The following SLC66A2 variants were observed in gnomAD, a reference collection of about 807,000 sequenced individuals.
SLC66A2 encodes the protein solute carrier family 66 member 2, also known as PQ loop repeat containing 1.
A neutral mutation model predicts 25.5 loss-of-function variants in SLC66A2; 23 were observed. The observed-to-expected ratio is 0.90, with a 90% CI of 0.65 to 1.28. The LOEUF is 1.28. Ranked by LOEUF, SLC66A2 falls within the 50% of genes most tolerant of loss-of-function variation. The pLI, the probability that SLC66A2 is intolerant of heterozygous loss-of-function variation, is 0.00. For missense variants in SLC66A2, 396 were observed against 373.1 expected (o/e 1.06, Z -0.51); for synonymous variants, 193 against 166.5 (o/e 1.16, Z -1.23).
At chr18:79,951,429 G>A (rs1382870098) in intron 1 of SLC66A2, among the ~76,000 whole-genome samples, 152 bp downstream of exon 1, 1 of 151,636 alleles carries the variant, frequency 6.6e-6, no homozygotes, top group Non-Finnish European at 1.5e-5. Flanking sequence ...GCCCAGGATG[G>A]GGGCGCACGG....
At position 79,923,034 on chromosome 18, in the gene SLC66A2, C is replaced by T. The variant is rs1473978660; in HGVS notation, c.392-3634G>A. Among the ~76,000 whole-genome samples, 9 of 151,480 alleles carry T rather than the reference C, an allele frequency of 5.9e-5. No individual in the cohort carries two copies. In the South Asian group the frequency reaches 6.3e-4, roughly 11 times the overall value. ...CCACCCTCTCTCACTCTGAGTGAGA[C>T]GCTGCTCGGCATCCGAGCTGGAAAG... On this transcript the variant is annotated intron_variant, in intron 4 of 5. Coordinates refer to ENST00000397778, the MANE Select transcript of SLC66A2 (RefSeq NM_025078.5).
chr18:79,924,647 T>C (rs1985709854), intron 4 of SLC66A2, among the ~76,000 whole-genome samples: 1 of 152,204 alleles, frequency 6.6e-6, no homozygotes, highest in South Asian at 2.1e-4. Context: ...TTTGAATGCA[T>C]AACGAAATAG....
chr18:79,943,900 T>A, intron 2 of SLC66A2: 1 of 175,546 alleles, frequency 5.7e-6, no homozygotes, highest in East Asian at 1.9e-4. Context: ...CACCCAGTCC[T>A]GAACCTGCAG....
chr18:79,908,069 G>A (rs1452364418), intron 5 of SLC66A2, among the ~76,000 whole-genome samples: 1 of 151,910 alleles, frequency 6.6e-6, no homozygotes, highest in Non-Finnish European at 1.5e-5. Context: ...AACCCCACCA[G>A]ACAATGTTAT....
intron 1 of SLC66A2, among the ~76,000 whole-genome samples, 152 bp from the exon 2 acceptor site, chr18:79,951,177 G>T (rs938625546): frequency 1.1e-4 from 17 of 151,794 alleles, no homozygotes; most frequent in South Asian, 1.0e-3. Context: ...GCCTGGGACG[G>T]GGGGGTGTCT....
chr18:79,919,345 G>A lies in SLC66A2; in HGVS notation c.447C>T (p.Cys149=), dbSNP rs373259554. 72 of 1,613,168 alleles carry A rather than the reference G, an allele frequency of 4.5e-5. No individual in the cohort carries two copies. The highest frequency in any genetic ancestry group is 1.1e-4 in the South Asian group (10 of 91,088). The part of the protein sequence containing the change: ...QWSSFSDYVQ[C]VLAFTGVAGY... The stretch of plus-strand genomic sequence containing the variant: ...CCGCCACGCCCGTGAAGGCCAGGAC[G>A]CACTGCACGTAGTCCGAGAAGCTGC... The change falls in exon 5 of 6, where the codon TGC becomes TGT. Residue 149 remains cysteine, a synonymous_variant. Transcript: ENST00000397778.
chr18:79,938,501 GGGAAAACATCTCAGT>G (rs1987335605), intron 3 of SLC66A2, among the ~76,000 whole-genome samples: 1 of 152,136 alleles, frequency 6.6e-6, no homozygotes, highest in Non-Finnish European at 1.5e-5. Flanking sequence ...AAAAGGGCTT[GGGAAAACATCTCAGT>G]GGAATGAGGG....
At chr18:79,916,146 CCGCGGCGCTCTCGTACCCG>C (rs1166107721) in intron 5 of SLC66A2, among the ~76,000 whole-genome samples, 15 of 65,282 alleles carry the variant, frequency 2.3e-4, no homozygotes, top group Non-Finnish European at 5.4e-4. Flanking sequence ...GCTCCCGTAC[CCGCGGCGCTCTCGTACCCG>C]CAGTGCTCCC....
At chr18:79,951,537 T>TAGGCCGCCCC (rs2051128256) in intron 1 of SLC66A2, 44 bp downstream of exon 1, 1 of 152,080 alleles carries the variant, frequency 6.6e-6, no homozygotes, top group Non-Finnish European at 1.5e-5. Context: ...TCGGCCGCCC[T>TAGGCCGCCCC]AGGCCGCCCC....
chr18:79,910,889 G>A (rs1315556762), intron 5 of SLC66A2, among the ~76,000 whole-genome samples: 2 of 152,260 alleles, frequency 1.3e-5, no homozygotes, highest in Non-Finnish European at 2.9e-5. Context: ...CAGTGAAACA[G>A]TCAAAGCAAG....
In SLC66A2 at chr18:79,916,102, CCG is replaced by C. The variant is rs1442420346; in HGVS notation, c.608+3080_608+3081del. 1.0e-2 allele frequency: 1,961 copies of C among 196,576 alleles called. 52 individuals are homozygous for C. The highest frequency in any genetic ancestry group is 0.031 in the East Asian group (139 of 4,552). 12.2% of individuals were successfully genotyped at this position (196,576 alleles called of 1,614,324 possible). A position where few individuals can be genotyped will look rare whatever the true frequency, so the allele number is the denominator to read the frequency against. On this transcript the variant is annotated intron_variant, in intron 5 of 5. Coordinates refer to ENST00000397778, the MANE Select transcript of SLC66A2 (RefSeq NM_025078.5). ...TCCCGTACCCACGGTGCTCTCATACCCGCAGTGCTCCCGTACCCTCCCATACC... is the reference window on the plus strand; with the variant it reads ...TCCCGTACCCACGGTGCTCTCATACCCAGTGCTCCCGTACCCTCCCATACC...
At chr18:79,939,377 A>C (rs1445500108) in intron 3 of SLC66A2, among the ~76,000 whole-genome samples, 2 of 152,230 alleles carry the variant, frequency 1.3e-5, no homozygotes, top group Non-Finnish European at 1.5e-5. Context: ...CAAAAGCAAT[A>C]ATTGACAAAG....
At position 79,934,029 on chromosome 18, in the gene SLC66A2, G is replaced by A. The variant is rs753172241; in HGVS notation, c.338-7C>T. ...TCATCCTTGCTATCTGCAGCTACAC[G>A]TTAAAAAGGGAGACAGAAACAGAAA... is the stretch of plus-strand genomic sequence containing the variant. On this transcript the variant is annotated splice_region_variant and splice_polypyrimidine_tract_variant and intron_variant, in intron 3 of 5. Coordinates refer to ENST00000397778, the MANE Select transcript of SLC66A2 (RefSeq NM_025078.5). 6.8e-6 allele frequency: 11 copies of A among 1,610,458 alleles called. No homozygotes were observed. The highest frequency in any genetic ancestry group is 2.2e-5 in the South Asian group (2 of 89,964).
chr18:79,919,187 A>G lies in SLC66A2; in HGVS notation c.605T>C (p.Met202Thr). 1 of 1,612,924 alleles carries G rather than the reference A, an allele frequency of 6.2e-7. No homozygotes were observed. Among genetic ancestry groups the G allele is most frequent in the Non-Finnish European group, 8.5e-7 (1 of 1,179,890 alleles). The change falls in exon 5 of 6, where the codon ATG becomes ACG. Residue 202 changes from methionine (M) to threonine (T), a missense_variant. Transcript: ENST00000397778. ...CGTGGCGGCATCCCCGGCCTACCTC[A>G]TGCCCTCCGTGGACTGGTGGCGGTG... ...RNHRHQSTEG[M>T]SIKMVLMWTS... is the part of the protein sequence containing the mutation.
At chr18:79,914,795 G>A (rs1410321212) in intron 5 of SLC66A2, among the ~76,000 whole-genome samples, 2 of 152,216 alleles carry the variant, frequency 1.3e-5, no homozygotes, top group Non-Finnish European at 2.9e-5. Flanking sequence ...AGTGGAGCCG[G>A]CTCCAGACTC....
chr18:79,909,131 G>C (rs544692393), intron 5 of SLC66A2, among the ~76,000 whole-genome samples: 9 of 152,326 alleles, frequency 5.9e-5, no homozygotes, highest in African/African-American at 2.2e-4. Flanking sequence ...CTGCTACCAA[G>C]CACTTCATGT....
chr18:79,924,191 G>T (rs962470777), intron 4 of SLC66A2, among the ~76,000 whole-genome samples: 1 of 152,228 alleles, frequency 6.6e-6, no homozygotes, highest in African/African-American at 2.4e-5. Flanking sequence ...GAGATGCGTG[G>T]TGCAGGTGGG....
At chr18:79,925,398 C>T (rs773277287) in intron 4 of SLC66A2, among the ~76,000 whole-genome samples, 5 of 152,248 alleles carry the variant, frequency 3.3e-5, no homozygotes, top group African/African-American at 1.2e-4. Flanking sequence ...CAGACTCACA[C>T]GCCGTGACTT....
rs903404225 is a variant in SLC66A2, at chr18:79,926,154, G to T, written c.392-6754C>A. Among the ~76,000 whole-genome samples the T allele has an allele frequency of 9.2e-5, 14 of 152,348 alleles. 1 individual carries two copies. In the East Asian group the frequency reaches 2.7e-3, roughly 29 times the overall value. Reference sequence around the variant, plus strand: ...GGGAGGCATGAATAATCCACCCCTTGTTTAGCATATCATCAAGAAATAACC... The same window carrying T: ...GGGAGGCATGAATAATCCACCCCTTTTTTAGCATATCATCAAGAAATAACC... On this transcript the variant is annotated intron_variant, in intron 4 of 5. Coordinates refer to ENST00000397778, the MANE Select transcript of SLC66A2 (RefSeq NM_025078.5).
Sources: gnomAD v4.1 joint callset for allele counts (sites outside exome capture counted in the v4.1 genomes callset) on GRCh38, gnomAD v4.1.1 for gene constraint, MANE v1.5 for transcripts, NCBI Gene and HGNC (gene_info 2026-07-23, HGNC 2026-07-21) for gene names.